The following TMEM132C variants were observed in gnomAD, a reference collection of about 807,000 sequenced individuals.
The protein encoded by TMEM132C is protein phosphatase 1, regulatory subunit 152.
A neutral mutation model predicts 61.4 loss-of-function variants in TMEM132C; 29 were observed. The observed-to-expected ratio is 0.47, with a 90% CI of 0.35 to 0.64. The LOEUF is 0.64. TMEM132C is among the 30% of genes least tolerant of loss of function. TMEM132C has a pLI of 0.00. For synonymous variants in TMEM132C, 656 were observed against 633.1 expected (o/e 1.04, Z -0.54); for missense variants, 1,408 against 1,476.9 (o/e 0.95, Z 0.76).
At chr12:128,384,997 G>A (rs1874528824) in intron 1 of TMEM132C, among the ~76,000 whole-genome samples, 1 of 152,204 alleles carries the variant, frequency 6.6e-6, no homozygotes, top group Non-Finnish European at 1.5e-5. Flanking sequence ...CTCCTGTCTT[G>A]GTGTTCGTCC....
At chr12:128,675,884 A>ATAG (rs1566011935) in intron 5 of TMEM132C, among the ~76,000 whole-genome samples, 21 of 42,776 alleles carry the variant, frequency 4.9e-4, no homozygotes, top group African/African-American at 2.1e-3. Flanking sequence ...TAGATAGATA[A>ATAG]ATAGATAGAT....
intron 8 of TMEM132C, among the ~76,000 whole-genome samples, chr12:128,698,973 T>C (rs1954785001): frequency 6.6e-6 from 1 of 152,036 alleles, no homozygotes; most frequent in Non-Finnish European, 1.5e-5. Context: ...GCAGTGATGG[T>C]TAAGGGAGCA....
intron 4 of TMEM132C, among the ~76,000 whole-genome samples, chr12:128,667,480 G>A (rs1274151766): frequency 6.6e-6 from 1 of 152,228 alleles, no homozygotes; most frequent in Non-Finnish European, 1.5e-5. Flanking sequence ...CCCAGGAGAA[G>A]ACACAGCCGA....
chr12:128,349,451 A>G lies in TMEM132C; in HGVS notation c.86-65281A>G, dbSNP rs147256423. ...GCCACATTCCTAAAGCTTTCTTTCT[A>G]AAGTTATGTCTTGGATCACGGGGGT... On this transcript the variant is annotated intron_variant, in intron 1 of 8. Transcript: ENST00000435159. 2.0e-5 allele frequency among the ~76,000 whole-genome samples: 3 copies of G among 152,288 alleles called. No individual in the cohort carries two copies. The East Asian group carries it at 5.8e-4, about 29-fold the overall frequency.
chr12:128,666,510 T>C lies in TMEM132C; in HGVS notation c.1306-2907T>C, dbSNP rs548838752. On this transcript the variant is annotated intron_variant, in intron 4 of 8. Coordinates refer to ENST00000435159, the MANE Select transcript of TMEM132C (RefSeq NM_001136103.3). Reference sequence around the variant, plus strand: ...ACTAAGACAGTCTAGGATTCAACAGTCGAAAAGATAGATGACATAGCCCAA... The same window carrying C: ...ACTAAGACAGTCTAGGATTCAACAGCCGAAAAGATAGATGACATAGCCCAA... Among the ~76,000 whole-genome samples, 9 of 152,216 alleles carry C rather than the reference T, an allele frequency of 5.9e-5. No homozygotes were observed. The East Asian group carries it at 1.7e-3, about 29-fold the overall frequency.
intron 1 of TMEM132C, among the ~76,000 whole-genome samples, chr12:128,363,800 A>G (rs1207218456): frequency 2.0e-5 from 3 of 150,402 alleles, no homozygotes; most frequent in South Asian, 2.1e-4. Flanking sequence ...AGCCGAGATC[A>G]CATCACTACA....
chr12:128,470,336 T>C (rs186714271), intron 2 of TMEM132C, among the ~76,000 whole-genome samples: 1 of 152,360 alleles, frequency 6.6e-6, no homozygotes, highest in East Asian at 1.9e-4. Context: ...CTGAATTTCC[T>C]GTTATTCCTA....
At chr12:128,281,870 G>GGA (rs1870909092) in intron 1 of TMEM132C, among the ~76,000 whole-genome samples, 1 of 152,190 alleles carries the variant, frequency 6.6e-6, no homozygotes, top group Non-Finnish European at 1.5e-5. Flanking sequence ...TTCAGGTGAA[G>GGA]ATAATGTCTA....
chr12:128,433,190 G>GA (rs1473554034), intron 2 of TMEM132C, among the ~76,000 whole-genome samples: 1 of 151,082 alleles, frequency 6.6e-6, no homozygotes, highest in African/African-American at 2.4e-5. Context: ...TATGCACTGG[G>GA]AAACAAAAAA....
chr12:128,455,356 G>A (rs1870304441), intron 2 of TMEM132C, among the ~76,000 whole-genome samples: 1 of 152,230 alleles, frequency 6.6e-6, no homozygotes, highest in South Asian at 2.1e-4. Context: ...ACAGAAGTGG[G>A]AAGGTTGGAG....
intron 1 of TMEM132C, among the ~76,000 whole-genome samples, chr12:128,362,580 A>G (rs990736960): frequency 1.3e-5 from 2 of 151,160 alleles, no homozygotes; most frequent in African/African-American, 4.9e-5. Flanking sequence ...TTCAGATTGC[A>G]GATTTTTTTC....
intron 3 of TMEM132C, among the ~76,000 whole-genome samples, chr12:128,577,764 C>T (rs1875171488): frequency 1.3e-5 from 2 of 152,198 alleles, no homozygotes; most frequent in Non-Finnish European, 1.5e-5. Context: ...CCCCCCAGGG[C>T]CTGGGATGAG....
chr12:128,320,892 A>G (rs1371207295), intron 1 of TMEM132C, among the ~76,000 whole-genome samples: 1 of 151,498 alleles, frequency 6.6e-6, no homozygotes, highest in Non-Finnish European at 1.5e-5. Context: ...AAGAAATGAG[A>G]TGCCATCACC....
At chr12:128,469,944 T>G (rs1046414146) in intron 2 of TMEM132C, among the ~76,000 whole-genome samples, 1 of 152,100 alleles carries the variant, frequency 6.6e-6, no homozygotes, top group Admixed American at 6.5e-5. Flanking sequence ...TGTGTGTACA[T>G]TTATATCTGA....
intron 1 of TMEM132C, among the ~76,000 whole-genome samples, chr12:128,355,091 A>G (rs1873458462): frequency 6.6e-6 from 1 of 152,212 alleles, no homozygotes; most frequent in African/African-American, 2.4e-5. Flanking sequence ...GTTCAAAGAC[A>G]TGAACTTTAT....
chr12:128,586,313 A>G (rs1875546658), intron 3 of TMEM132C, among the ~76,000 whole-genome samples: 1 of 150,092 alleles, frequency 6.7e-6, no homozygotes, highest in African/African-American at 2.5e-5. Flanking sequence ...ATCATTATAT[A>G]TTATTATAAA....
intron 1 of TMEM132C, among the ~76,000 whole-genome samples, chr12:128,362,026 C>T (rs61938442): frequency 0.34 from 51,215 of 151,628 alleles, 10,233 homozygotes; most frequent in South Asian, 0.46. Flanking sequence ...GTTCAGGACA[C>T]CCTGGATTTC....
chr12:128,592,040 A>G (rs570611072), intron 3 of TMEM132C, among the ~76,000 whole-genome samples: 1 of 128,190 alleles, frequency 7.8e-6, no homozygotes, highest in African/African-American at 2.9e-5. Context: ...CGACAGAGTG[A>G]GACTCAAAAA....
At chr12:128,548,405 C>G (rs1874039756) in intron 3 of TMEM132C, among the ~76,000 whole-genome samples, 1 of 152,124 alleles carries the variant, frequency 6.6e-6, no homozygotes, top group African/African-American at 2.4e-5. Flanking sequence ...AGCCATAGTC[C>G]CCATTCCACC....
Sources: gnomAD v4.1 joint callset for allele counts (sites outside exome capture counted in the v4.1 genomes callset) on GRCh38, gnomAD v4.1.1 for gene constraint, MANE v1.5 for transcripts, NCBI Gene and HGNC (gene_info 2026-07-23, HGNC 2026-07-21) for gene names.